Variants in TNRC6C observed in about 807,000 individuals in gnomAD.
TNRC6C encodes trinucleotide repeat-containing gene 6C protein.
In TNRC6C, 20 loss-of-function variants were observed where a neutral mutation model predicts 153.7. The observed-to-expected ratio is 0.13, with a 90% CI of 0.09 to 0.19. The LOEUF is 0.19. Among genes scored for constraint, TNRC6C ranks in the 10% least tolerant of loss-of-function variants. The pLI is 1.00. For synonymous variants in TNRC6C, 811 were observed against 841.4 expected (o/e 0.96, Z 0.63); for missense variants, 1,987 against 2,172.0 (o/e 0.91, Z 1.69).
upstream of TNRC6C, among the ~76,000 whole-genome samples, chr17:77,957,852 C>CGGGGA (rs1376999129): frequency 6.6e-6 from 1 of 152,212 alleles, no homozygotes. Flanking sequence ...TACGGAGCAC[C>CGGGGA]GGGGAGGAAT....
intron 7 of TNRC6C, among the ~76,000 whole-genome samples, chr17:78,074,207 C>T (rs1342783710): frequency 2.0e-5 from 3 of 152,148 alleles, no homozygotes; most frequent in African/African-American, 4.8e-5. Context: ...CACAGAAATA[C>T]GAAAAGCCTG....
chr17:77,998,882 A>C (rs565582557), intron 1 of TNRC6C, among the ~76,000 whole-genome samples: 1 of 152,228 alleles, frequency 6.6e-6, no homozygotes, highest in Non-Finnish European at 1.5e-5. Flanking sequence ...TTTTAGTACT[A>C]TCAGACTCTT....
chr17:77,983,423 G>A (rs1278377079), intron 1 of TNRC6C, among the ~76,000 whole-genome samples: 3 of 152,198 alleles, frequency 2.0e-5, no homozygotes, highest in Non-Finnish European at 4.4e-5. Context: ...GCTATACAAT[G>A]GGGGCAGGGA....
rs567674732 is a variant in TNRC6C, at chr17:78,083,862, A to G, written c.3477+696A>G. On this transcript the variant is annotated intron_variant, in intron 11 of 19. Transcript: ENST00000301624. The stretch of plus-strand genomic sequence containing the variant: ...TCTTACTGATTTTACTATAATTGCC[A>G]TGTCATTGTATACCTAGATGCTTAC... Among the ~76,000 whole-genome samples, 9 of 152,250 alleles carry G rather than the reference A, an allele frequency of 5.9e-5. No individual in the cohort carries two copies. The East Asian group carries it at 1.3e-3, about 23-fold the overall frequency.
rs1427703459 is a variant in TNRC6C at position 78,025,646 on chromosome 17, A to G, written c.-545-5870A>G. Among the ~76,000 whole-genome samples the G allele has an allele frequency of 6.6e-5, 10 of 152,218 alleles. No individual in the cohort carries two copies. In the East Asian group the frequency reaches 1.7e-3, roughly 26 times the overall value. On this transcript the variant is annotated intron_variant, in intron 1 of 19. Coordinates refer to ENST00000301624, the Ensembl canonical transcript of TNRC6C. ...TTATAATTAGCTGAAGGTCATTATC[A>G]GGAAAATATATATATATTTATATTT...
intron 1 of TNRC6C, among the ~76,000 whole-genome samples, chr17:78,009,874 T>C (rs777405166): frequency 1.3e-5 from 2 of 149,414 alleles, no homozygotes; most frequent in South Asian, 2.1e-4. Context: ...TTTTAAGTCA[T>C]ATACATCTGA....
At chr17:78,045,910 G>A (rs1051899570) in intron 2 of TNRC6C, among the ~76,000 whole-genome samples, 11 of 151,562 alleles carry the variant, frequency 7.3e-5, no homozygotes, top group Non-Finnish European at 7.4e-5. Context: ...ATTTGCTTCA[G>A]GGCTCTCTAT....
In TNRC6C at chr17:78,027,328, T is replaced by A. The variant is rs561503196; in HGVS notation, c.-545-4188T>A. The stretch of plus-strand genomic sequence containing the variant: ...GTGATTGTTGCCATTTGTGAAGAGA[T>A]TAAATATTTGAACATGTTCAAGTGA... On this transcript the variant is annotated intron_variant, in intron 1 of 19. Coordinates refer to ENST00000301624, the Ensembl canonical transcript of TNRC6C. 2.0e-5 allele frequency among the ~76,000 whole-genome samples: 3 copies of A among 152,014 alleles called. No individual in the cohort carries two copies. In the East Asian group the frequency reaches 5.8e-4, roughly 29 times the overall value.
At chr17:78,098,349 T>C (rs751318166) in exon 17 of TNRC6C, 8 of 1,610,512 alleles carry the variant, frequency 5.0e-6, no homozygotes, top group Non-Finnish European at 5.9e-6. Context: ...CTAGGTAAAC[T>C]GTCAGACATC....
chr17:78,082,659 C>T lies in TNRC6C; in HGVS notation c.3358-388C>T, dbSNP rs573799133. ...ACCCTATCTTATCCATATGAACAGG[C>T]GCCCCTCATGCATCCATTTATAGGC... On this transcript the variant is annotated intron_variant, in intron 10 of 19. Coordinates refer to ENST00000301624, the Ensembl canonical transcript of TNRC6C. Among the ~76,000 whole-genome samples, 12 of 152,214 alleles carry T rather than the reference C, an allele frequency of 7.9e-5. No individual in the cohort carries two copies. In the South Asian group the frequency reaches 1.2e-3, roughly 16 times the overall value.
intron 9 of TNRC6C, among the ~76,000 whole-genome samples, chr17:78,078,631 A>G (rs939160761): frequency 6.6e-6 from 1 of 152,100 alleles, no homozygotes; most frequent in Non-Finnish European, 1.5e-5. Flanking sequence ...AGTTTCTTTG[A>G]ATGGGGTAGC....
At chr17:78,022,059 G>A (rs1193318115) in intron 1 of TNRC6C, among the ~76,000 whole-genome samples, 1 of 152,172 alleles carries the variant, frequency 6.6e-6, no homozygotes, top group East Asian at 1.9e-4. Flanking sequence ...CCCAGAGGCA[G>A]TGAGACTCTC....
intron 3 of TNRC6C, among the ~76,000 whole-genome samples, chr17:78,052,126 C>G (rs1032860650): frequency 6.6e-6 from 1 of 152,204 alleles, no homozygotes; most frequent in Admixed American, 6.5e-5. Context: ...CAGGAAAGAG[C>G]GCTGCACAGG....
intron 1 of TNRC6C, among the ~76,000 whole-genome samples, chr17:77,991,178 C>G (rs1354299570): frequency 6.6e-6 from 1 of 152,148 alleles, no homozygotes; most frequent in African/African-American, 2.4e-5. Flanking sequence ...TATCTTGATC[C>G]CTTGAAGAAA....
upstream of TNRC6C, among the ~76,000 whole-genome samples, chr17:78,003,498 CAGT>C (rs2071445394): frequency 6.6e-6 from 1 of 152,068 alleles, no homozygotes; most frequent in South Asian, 2.1e-4. Flanking sequence ...ATAAAAAACT[CAGT>C]AGAAGGATTA....
At chr17:78,040,119 G>A (rs2072263390) in intron 2 of TNRC6C, among the ~76,000 whole-genome samples, 1 of 152,134 alleles carries the variant, frequency 6.6e-6, no homozygotes, top group African/African-American at 2.4e-5. Context: ...TAATACAGGG[G>A]AAACTAGATT....
chr17:78,057,048 A>C (rs1054133232), intron 3 of TNRC6C, among the ~76,000 whole-genome samples: 7 of 152,212 alleles, frequency 4.6e-5, no homozygotes, highest in African/African-American at 1.7e-4. Context: ...CTATAGGAGC[A>C]GTTGCAAATC....
chr17:78,016,898 A>G (rs1190376931), intron 1 of TNRC6C, among the ~76,000 whole-genome samples: 3 of 152,156 alleles, frequency 2.0e-5, no homozygotes, highest in Admixed American at 1.3e-4. Flanking sequence ...GCCCTTGCCC[A>G]CATGTTATGG....
chr17:78,004,303 A>ATC (rs1191248864), upstream of TNRC6C: 7 of 1,231,572 alleles, frequency 5.7e-6, no homozygotes, highest in Admixed American at 8.4e-5. Flanking sequence ...TTGTCTTTGT[A>ATC]TCATTGTGTG....
Sources: allele counts gnomAD v4.1 joint callset (sites outside exome capture counted in the v4.1 genomes callset), GRCh38; gene constraint gnomAD v4.1.1; transcripts MANE v1.5; gene names NCBI Gene and HGNC (gene_info 2026-07-23, HGNC 2026-07-21).